The following GLI2 variants were observed in gnomAD, a reference collection of about 807,000 sequenced individuals.
GLI2 encodes transcription activator GLI2.
Under a neutral mutation model 78.9 loss-of-function variants are expected in GLI2, and 22 were observed. The observed-to-expected ratio is 0.28, with a 90% CI of 0.20 to 0.40. The LOEUF (loss-of-function observed/expected upper bound fraction) is 0.40, where lower values mean the gene tolerates loss of function less well. GLI2 is among the 10% of genes least tolerant of loss of function. The pLI is 1.00. For synonymous variants in GLI2, 974 were observed against 963.7 expected (o/e 1.01, Z -0.20); for missense variants, 2,097 against 2,213.2 (o/e 0.95, Z 1.05).
At chr2:120,924,751 C>T (rs939869694) in intron 2 of GLI2, among the ~76,000 whole-genome samples, 1 of 152,190 alleles carries the variant, frequency 6.6e-6, no homozygotes, top group Non-Finnish European at 1.5e-5. Flanking sequence ...CTAGGGTTTG[C>T]AACCAGTATG....
chr2:120,765,926 T>C (rs766035423), intron 1 of GLI2, among the ~76,000 whole-genome samples: 22 of 152,202 alleles, frequency 1.4e-4, no homozygotes, highest in Non-Finnish European at 2.9e-4. Context: ...ATGTGGAATT[T>C]ACAGAGCAGC....
chr2:120,926,220 A>AT (rs1230763054), intron 2 of GLI2, among the ~76,000 whole-genome samples: 1 of 147,006 alleles, frequency 6.8e-6, no homozygotes, highest in Non-Finnish European at 1.5e-5. Context: ...ATTTTTCTAT[A>AT]TTTTTTTGTT....
In GLI2 at chr2:120,757,031, A is replaced by G. The variant is rs116093386; in HGVS notation, c.-31+20746A>G. On this transcript the variant is annotated intron_variant, in intron 1 of 13. Transcript: ENST00000361492. ...TTCTTCAATGTCTAATCTACCACCAATTCCATCTAGTGATTTTTCATCTCT... is the reference window on the plus strand; with the variant it reads ...TTCTTCAATGTCTAATCTACCACCAGTTCCATCTAGTGATTTTTCATCTCT... Among the ~76,000 whole-genome samples the G allele has an allele frequency of 3.0e-3, 452 of 152,240 alleles. 3 individuals carry two copies. The highest frequency in any genetic ancestry group is 0.01 in the African/African-American group (420 of 41,546).
At chr2:120,958,228 A>G (rs1681370807) in intron 5 of GLI2, among the ~76,000 whole-genome samples, 1 of 152,208 alleles carries the variant, frequency 6.6e-6, no homozygotes, top group Admixed American at 6.5e-5. Context: ...GAGATGGCAC[A>G]TGTGAGCCTG....
rs768405449 is a variant in GLI2 at position 120,989,816 on chromosome 2, A to T, written c.3851A>T (p.Glu1284Val). The T allele has an allele frequency of 3.1e-6, 5 of 1,611,504 alleles. No homozygotes were observed. In the East Asian group the frequency reaches 8.9e-5, roughly 29 times the overall value. The change falls in exon 14 of 14, where the codon GAA becomes GTA. Residue 1284 changes from glutamate (E) to valine (V), a missense_variant. Coordinates refer to ENST00000361492, the MANE Select transcript of GLI2 (RefSeq NM_001374353.1). ...DPTTMGNRHR[E>V]LGVPDSALAG... ...ACCACGATGGGCAATCGCCACAGGG[A>T]ACTTGGGGTCCCCGATTCAGCCCTG...
At chr2:120,875,256 G>C (rs1371001649) in intron 2 of GLI2, among the ~76,000 whole-genome samples, 1 of 152,226 alleles carries the variant, frequency 6.6e-6, no homozygotes, top group East Asian at 1.9e-4. Flanking sequence ...GTCTGTTGTT[G>C]GCTCTGGGTG....
intron 2 of GLI2, among the ~76,000 whole-genome samples, chr2:120,920,867 G>T (rs1454106963): frequency 6.9e-6 from 1 of 145,444 alleles, no homozygotes; most frequent in Non-Finnish European, 1.5e-5. Flanking sequence ...CTGCCGGAAG[G>T]ACATGATTAA....
chr2:120,916,275 T>A (rs998484617), intron 2 of GLI2, among the ~76,000 whole-genome samples: 1 of 152,246 alleles, frequency 6.6e-6, no homozygotes, highest in Non-Finnish European at 1.5e-5. Context: ...GCAAGAGATG[T>A]TCCTCATCCT....
At chr2:120,788,428 G>T (rs1684056818) in intron 1 of GLI2, among the ~76,000 whole-genome samples, 1 of 152,224 alleles carries the variant, frequency 6.6e-6, no homozygotes, top group African/African-American at 2.4e-5. Context: ...GGGCCTGCTG[G>T]CTTTCAGGGA....
At chr2:120,796,070 C>A (rs916181431) in intron 1 of GLI2, among the ~76,000 whole-genome samples, 1 of 151,980 alleles carries the variant, frequency 6.6e-6, no homozygotes, top group Non-Finnish European at 1.5e-5. Context: ...AACAAACAAA[C>A]AAAAACAAAA....
intron 1 of GLI2, among the ~76,000 whole-genome samples, chr2:120,782,439 A>G (rs902844979): frequency 5.9e-5 from 9 of 152,216 alleles, no homozygotes; most frequent in Non-Finnish European, 1.3e-4. Flanking sequence ...CATTCATAGT[A>G]ATCCTGGAGC....
intron 2 of GLI2, among the ~76,000 whole-genome samples, chr2:120,879,829 G>A (rs1048704223): frequency 3.3e-5 from 5 of 152,212 alleles, no homozygotes; most frequent in Non-Finnish European, 5.9e-5. Flanking sequence ...ATGAGAGCCC[G>A]TCTGCCGCGG....
At chr2:120,870,703 C>G (rs1056084726) in intron 2 of GLI2, among the ~76,000 whole-genome samples, 1 of 152,180 alleles carries the variant, frequency 6.6e-6, no homozygotes, top group South Asian at 2.1e-4. Context: ...GCTCCCAGAT[C>G]GATCCCAGAG....
chr2:120,954,712 C>T (rs1681156333), intron 4 of GLI2, among the ~76,000 whole-genome samples: 1 of 152,202 alleles, frequency 6.6e-6, no homozygotes, highest in Non-Finnish European at 1.5e-5. Context: ...GCAGGGCTGA[C>T]CTCAGGGTTG....
intron 2 of GLI2, among the ~76,000 whole-genome samples, chr2:120,808,647 T>C (rs1412494610): frequency 2.0e-5 from 3 of 152,210 alleles, no homozygotes; most frequent in Non-Finnish European, 2.9e-5. Flanking sequence ...CTACGCCATG[T>C]TGGTGACAAG....
chr2:120,783,522 G>A (rs1683906990), intron 1 of GLI2, among the ~76,000 whole-genome samples: 1 of 152,048 alleles, frequency 6.6e-6, no homozygotes, highest in African/African-American at 2.4e-5. Flanking sequence ...TTGATTGATT[G>A]TGTCTTGGAG....
At chr2:120,823,892 G>A (rs1685906266) in intron 2 of GLI2, among the ~76,000 whole-genome samples, 1 of 152,208 alleles carries the variant, frequency 6.6e-6, no homozygotes, top group Non-Finnish European at 1.5e-5. Context: ...TCACATTCCT[G>A]GTGGCCCTGC....
In GLI2 at chr2:120,974,836, C is replaced by G. The variant is rs191764602; in HGVS notation, c.1183-139C>G. ...CATGTGTTGTGTGTGTGCACACACA[C>G]CTGTAACACACACACTTGCATCCAC... On this transcript the variant is annotated intron_variant, in intron 8 of 13. Coordinates refer to ENST00000361492, the MANE Select transcript of GLI2 (RefSeq NM_001374353.1). 1.5e-4 allele frequency: 172 copies of G among 1,131,550 alleles called. No homozygotes were observed. The African/African-American group carries it at 2.4e-3, about 16-fold the overall frequency. 70.1% of individuals were successfully genotyped at this position (1,131,550 alleles called of 1,614,324 possible). A position where few individuals can be genotyped will look rare whatever the true frequency, so the allele number is the denominator to read the frequency against.
chr2:120,927,379 C>T lies in GLI2; in HGVS notation c.167C>T (p.Pro56Leu), dbSNP rs141890398. The change falls in exon 3 of 14, where the codon CCA becomes CTA. Residue 56 changes from proline to leucine, a missense_variant. Coordinates refer to ENST00000361492, the MANE Select transcript of GLI2 (RefSeq NM_001374353.1). ...TCTGCAGTGCCGCAGCATCTCTTGCCACCATTCCATGCGCCCCTACCGATT... is the reference window on the plus strand; with the variant it reads ...TCTGCAGTGCCGCAGCATCTCTTGCTACCATTCCATGCGCCCCTACCGATT... ...AAQGVPQHLL[P>L]PFHAPLPIDM... 2 of 1,613,554 alleles carry T rather than the reference C, an allele frequency of 1.2e-6. No homozygotes were observed.
Sources: gnomAD v4.1 joint callset for allele counts (sites outside exome capture counted in the v4.1 genomes callset) on GRCh38, gnomAD v4.1.1 for gene constraint, MANE v1.5 for transcripts, NCBI Gene and HGNC (gene_info 2026-07-23, HGNC 2026-07-21) for gene names.